RIGI: variants seen among roughly 807,000 people sequenced by gnomAD.
RIGI encodes the protein RNA sensor RIG-I.
chr9:32,493,883 C>G, the RIGI span: 13 of 1,609,808 alleles, frequency 8.1e-6, no homozygotes, highest in Admixed American at 3.4e-5. Context: ...CTATACTCCT[C>G]CAACTTTTCA....
chr9:32,492,314 G>A, the RIGI span: 123 of 1,510,224 alleles, frequency 8.1e-5, 1 homozygote, highest in South Asian at 9.4e-4. Flanking sequence ...GGGGAAAAAC[G>A]CCTCTGATGG....
At chr9:32,460,813 T>C in the RIGI span, among the ~76,000 whole-genome samples, 264 of 151,940 alleles carry the variant, frequency 1.7e-3, no homozygotes, top group South Asian at 2.5e-3. Context: ...CGTAGGACTA[T>C]AAAAAATGAT....
the RIGI span, among the ~76,000 whole-genome samples, chr9:32,511,055 A>G: frequency 7.9e-5 from 12 of 152,248 alleles, no homozygotes; most frequent in African/African-American, 2.7e-4. Context: ...CTAAATACAT[A>G]TGCACCCAAT....
chr9:32,524,491 G>A, the RIGI span, among the ~76,000 whole-genome samples: 4 of 151,200 alleles, frequency 2.6e-5, no homozygotes, highest in Non-Finnish European at 5.9e-5. Flanking sequence ...TTAGTTGCCG[G>A]TCTTAACGCC....
chr9:32,474,995 C>T, the RIGI span, among the ~76,000 whole-genome samples: 3 of 152,124 alleles, frequency 2.0e-5, no homozygotes, highest in Admixed American at 6.5e-5. Flanking sequence ...CTCCATCACT[C>T]GGCTGGAGAG....
the RIGI span, among the ~76,000 whole-genome samples, chr9:32,512,827 T>C: frequency 6.6e-6 from 1 of 152,054 alleles, no homozygotes; most frequent in African/African-American, 2.4e-5. Flanking sequence ...AACCCCATCA[T>C]CTCAGCCCAA....
chr9:32,470,719 A>G, the RIGI span, among the ~76,000 whole-genome samples: 17 of 152,246 alleles, frequency 1.1e-4, no homozygotes, highest in African/African-American at 3.6e-4. Context: ...GTGGAAATAT[A>G]CAAATTTAGC....
At chr9:32,488,619 TA>T in the RIGI span, 2 of 1,144,108 alleles carry the variant, frequency 1.7e-6, no homozygotes, top group Non-Finnish European at 2.4e-6. Context: ...ATCTGGATTA[TA>T]AAAAAGCTGA....
At chr9:32,518,470 A>T in the RIGI span, among the ~76,000 whole-genome samples, 1 of 151,926 alleles carries the variant, frequency 6.6e-6, no homozygotes, top group African/African-American at 2.4e-5. Flanking sequence ...TGTGTAAGTC[A>T]TGTAGTTTCT....
chr9:32,499,145 T>C, the RIGI span, among the ~76,000 whole-genome samples: 24 of 152,192 alleles, frequency 1.6e-4, no homozygotes, highest in African/African-American at 5.5e-4. Context: ...CTTTTACATT[T>C]ATTCACTTTT....
chr9:32,489,878 C>T, the RIGI span, among the ~76,000 whole-genome samples: 4 of 152,294 alleles, frequency 2.6e-5, no homozygotes, highest in South Asian at 2.1e-4. Context: ...AATGCTTTGT[C>T]GTTCTTCAAG....
At chr9:32,490,287 G>A in the RIGI span, among the ~76,000 whole-genome samples, 2 of 152,190 alleles carry the variant, frequency 1.3e-5, no homozygotes, top group African/African-American at 4.8e-5. Context: ...TGAGGCAGGA[G>A]AATCACTTGA....
chr9:32,506,214 T>C, the RIGI span, among the ~76,000 whole-genome samples: 2 of 152,120 alleles, frequency 1.3e-5, no homozygotes, highest in Admixed American at 1.3e-4. Context: ...TGAGACTCTG[T>C]CTCAATCAAT....
chr9:32,524,596 G>GTTTT, the RIGI span, among the ~76,000 whole-genome samples: 68 of 67,572 alleles, frequency 1.0e-3, 5 homozygotes, highest in African/African-American at 1.8e-3. Flanking sequence ...TTGTTTTTCG[G>GTTTT]TTTTTTTTTT....
At chr9:32,504,725 T>C in the RIGI span, among the ~76,000 whole-genome samples, 1 of 142,646 alleles carries the variant, frequency 7.0e-6, no homozygotes, top group Non-Finnish European at 1.5e-5. Flanking sequence ...ATATATAAAA[T>C]ATATAAAATA....
the RIGI span, among the ~76,000 whole-genome samples, chr9:32,514,108 C>T: frequency 3.3e-5 from 5 of 152,166 alleles, no homozygotes; most frequent in African/African-American, 7.2e-5. Context: ...GAAACAGGAA[C>T]GCTTTTACAC....
the RIGI span, among the ~76,000 whole-genome samples, chr9:32,515,509 C>G: frequency 6.6e-6 from 1 of 152,108 alleles, no homozygotes; most frequent in Non-Finnish European, 1.5e-5. Context: ...CTTCTCTCTC[C>G]TTTCTTGGAA....
chr9:32,516,346 CTTG>C, the RIGI span, among the ~76,000 whole-genome samples: 3 of 152,330 alleles, frequency 2.0e-5, no homozygotes, highest in South Asian at 2.1e-4. Flanking sequence ...CCTGGCAATA[CTTG>C]TTGTCTCCCT....
the RIGI span, chr9:32,477,118 T>C: frequency 3.7e-6 from 6 of 1,612,152 alleles, no homozygotes; most frequent in Admixed American, 8.4e-5. Flanking sequence ...CACTTTCTAG[T>C]TCCTGCAGCT....
Sources: gnomAD v4.1 joint callset for allele counts (sites outside exome capture counted in the v4.1 genomes callset) on GRCh38, gnomAD v4.1.1 for gene constraint, MANE v1.5 for transcripts, NCBI Gene and HGNC (gene_info 2026-07-23, HGNC 2026-07-21) for gene names.